The following TRPM6 variants were observed in gnomAD, a reference collection of about 807,000 sequenced individuals.
The protein encoded by TRPM6 is channel kinase 2.
A neutral mutation model predicts 247.6 loss-of-function variants in TRPM6; 111 were observed. That is an observed-to-expected ratio of 0.45 (90% CI 0.38 to 0.52). The LOEUF is 0.52. Among genes scored for constraint, TRPM6 ranks in the 20% least tolerant of loss-of-function variants. The probability of loss-of-function intolerance (pLI) is 0.00; values close to 1 mark genes in which losing one functional copy is unlikely to be tolerated. For missense variants in TRPM6, 2,126 were observed against 2,421.5 expected, an observed-to-expected ratio of 0.88 and a Z score of 2.56; for synonymous variants, 892 against 853.8, an observed-to-expected ratio of 1.04 and a Z score of -0.78.
chr9:74,803,846 T>C lies in TRPM6; in HGVS notation c.1679A>G (p.Glu560Gly). ...AATGAACTGGGAGTGCAGCGTACTT[T>C]CTGCAGACTCATTTCTATTTCCTGA... Reference protein sequence around the residue: ...HSSGNRNESAESTLHSQFIRT... With the variant: ...HSSGNRNESAGSTLHSQFIRT... The change falls in exon 15 of 39, where the codon GAA becomes GGA. Residue 560 changes from glutamate to glycine, a missense_variant. Around this residue, in one of 3 missense-constraint regions of TRPM6, gnomAD observed 1,082 missense variants for 1,307.9 expected, o/e 0.83. Coordinates refer to ENST00000360774, the MANE Select transcript of TRPM6 (RefSeq NM_017662.5). 2 of 1,613,960 alleles carry C rather than the reference T, an allele frequency of 1.2e-6. No individual in the cohort carries two copies. The highest frequency in any genetic ancestry group is 2.7e-5 in the African/African-American group (2 of 75,046).
At chr9:74,870,659 C>T (rs945470024) in intron 1 of TRPM6, among the ~76,000 whole-genome samples, 1 of 152,124 alleles carries the variant, frequency 6.6e-6, no homozygotes, top group Non-Finnish European at 1.5e-5. Flanking sequence ...CGCAGTGGCT[C>T]ACGCCTGTAA....
intron 27 of TRPM6, among the ~76,000 whole-genome samples, chr9:74,758,717 C>T (rs1283472569): frequency 6.6e-6 from 1 of 152,108 alleles, no homozygotes; most frequent in Non-Finnish European, 1.5e-5. Flanking sequence ...CCCCTAAGAA[C>T]AGACACAGGA....
intron 23 of TRPM6, among the ~76,000 whole-genome samples, chr9:74,781,548 A>AAAAT (rs1554698829): frequency 2.5e-4 from 37 of 150,140 alleles, no homozygotes; most frequent in Non-Finnish European, 3.7e-4. Flanking sequence ...AAAAAAAAAA[A>AAAAT]AAAAAGAAGA....
At chr9:74,860,408 C>T (rs886698495) in intron 1 of TRPM6, among the ~76,000 whole-genome samples, 1 of 151,958 alleles carries the variant, frequency 6.6e-6, no homozygotes, top group Non-Finnish European at 1.5e-5. Flanking sequence ...GCCTGGCTCA[C>T]TGCAATCTGG....
chr9:74,762,240 G>T lies in TRPM6; in HGVS notation c.4431C>A (p.Pro1477=). 1 of 1,614,190 alleles carries T rather than the reference G, an allele frequency of 6.2e-7. No individual in the cohort carries two copies. The highest frequency in any genetic ancestry group is 1.3e-5 in the African/African-American group (1 of 75,044). ...SIKKKWQTCL[P]STCDSDSSRS... ...GAGAGGAATCACTGTCACAAGTGGA[G>T]GGCAAGCAGGTTTGCCACTTTTTCT... The change falls in exon 26 of 39, where the codon CCC becomes CCA. Residue 1477 remains proline, a synonymous_variant. Transcript: ENST00000360774.
At chr9:74,858,098 A>G (rs1029447539) in intron 2 of TRPM6, among the ~76,000 whole-genome samples, 4 of 152,200 alleles carry the variant, frequency 2.6e-5, no homozygotes, top group African/African-American at 9.6e-5. Context: ...TAAATTCCTT[A>G]AACAGATATT....
intron 25 of TRPM6, among the ~76,000 whole-genome samples, chr9:74,765,489 A>T (rs1826798706): frequency 6.6e-6 from 1 of 152,054 alleles, no homozygotes; most frequent in African/African-American, 2.4e-5. Flanking sequence ...CCCTTGTTTC[A>T]TTCTATTATT....
chr9:74,765,132 G>A (rs1265120775), intron 25 of TRPM6, among the ~76,000 whole-genome samples: 1 of 152,148 alleles, frequency 6.6e-6, no homozygotes, highest in African/African-American at 2.4e-5. Context: ...TTGTTATATT[G>A]TGAGATAGAA....
intron 36 of TRPM6, chr9:74,737,486 G>C (rs1325209215): frequency 8.0e-7 from 1 of 1,248,562 alleles, no homozygotes; most frequent in Admixed American, 2.3e-5. Context: ...AAAGGCCCAA[G>C]TTGTTTAAAC....
intron 1 of TRPM6, among the ~76,000 whole-genome samples, chr9:74,863,888 C>CTTT (rs57621871): frequency 0.16 from 24,028 of 148,988 alleles, 2,047 homozygotes; most frequent in East Asian, 0.26. Context: ...GCCCGGCAAC[C>CTTT]TTTTTTTTTT....
chr9:74,841,941 G>C (rs544248307), intron 4 of TRPM6, among the ~76,000 whole-genome samples: 24 of 151,910 alleles, frequency 1.6e-4, no homozygotes, highest in Non-Finnish European at 2.6e-4. Flanking sequence ...TAGAAACCCC[G>C]TCTCTACTAA....
chr9:74,824,743 G>A (rs1231725725), intron 7 of TRPM6, among the ~76,000 whole-genome samples: 2 of 152,098 alleles, frequency 1.3e-5, no homozygotes, highest in Admixed American at 6.6e-5. Flanking sequence ...CTTGGATTAC[G>A]AAAAGATACA....
chr9:74,787,469 A>G (rs113687058), intron 20 of TRPM6, among the ~76,000 whole-genome samples: 2 of 152,242 alleles, frequency 1.3e-5, no homozygotes, highest in Non-Finnish European at 1.5e-5. Context: ...ATTAAAAAAA[A>G]GGGTACAATT....
rs1459228763 is a variant in TRPM6 at position 74,830,748 on chromosome 9, TG to T, written c.670-2800del. On this transcript the variant is annotated intron_variant, in intron 6 of 38. Transcript: ENST00000360774. ...TGCACCACCATGCCCAGCTAATTTT[TG>T]TTTTTTTTTTTTTTTTTTTTTTTTT... 3.1e-3 allele frequency among the ~76,000 whole-genome samples: 267 copies of T among 85,802 alleles called. 1 individual carries two copies. Among genetic ancestry groups the T allele is most frequent in the African/African-American group, 0.011 (236 of 20,554 alleles). The allele number at this position is 85,802 out of a possible 152,430, so 56.3% of individuals were successfully genotyped here. A position where few individuals can be genotyped will look rare whatever the true frequency, so the allele number is the denominator to read the frequency against.
At chr9:74,747,153 CT>C in intron 31 of TRPM6, among the ~76,000 whole-genome samples, 1 of 152,254 alleles carries the variant, frequency 6.6e-6, no homozygotes, top group South Asian at 2.1e-4. Flanking sequence ...ACCCCATGGG[CT>C]AAAGATCAAA....
chr9:74,728,810 C>T (rs1825423210), intron 37 of TRPM6, among the ~76,000 whole-genome samples: 1 of 152,152 alleles, frequency 6.6e-6, no homozygotes, highest in Non-Finnish European at 1.5e-5. Flanking sequence ...TGAAAATAAC[C>T]GTCCTCAAAA....
At chr9:74,881,021 G>A (rs759504433) in intron 1 of TRPM6, among the ~76,000 whole-genome samples, 2 of 152,138 alleles carry the variant, frequency 1.3e-5, no homozygotes, top group Non-Finnish European at 2.9e-5. Context: ...CTGGCTGGGC[G>A]TGGTAGCTTG....
chr9:74,748,012 G>C, intron 30 of TRPM6, 98 bp from the exon 31 acceptor site: 1 of 1,120,166 alleles, frequency 8.9e-7, no homozygotes, highest in Non-Finnish European at 1.3e-6. Flanking sequence ...ACAACACAAA[G>C]TATATATTTT....
chr9:74,813,626 A>G (rs1828816602), intron 11 of TRPM6, among the ~76,000 whole-genome samples: 1 of 152,190 alleles, frequency 6.6e-6, no homozygotes, highest in Non-Finnish European at 1.5e-5. Context: ...ACTCAAACCT[A>G]TAGGCAACCT....
Sources: allele counts gnomAD v4.1 joint callset (sites outside exome capture counted in the v4.1 genomes callset), GRCh38; gene constraint gnomAD v4.1.1; regional missense constraint gnomAD v4.1.1; transcripts MANE v1.5; gene names NCBI Gene and HGNC (gene_info 2026-07-23, HGNC 2026-07-21).